The following CABIN1 variants were observed in gnomAD, a reference collection of about 807,000 sequenced individuals.
The protein encoded by CABIN1 is calcineurin binding protein 1, also known as calcineurin-binding protein cabin-1.
In CABIN1, 133 loss-of-function variants were observed where a neutral mutation model predicts 227.7. The ratio of observed to expected loss-of-function variants is 0.58; its 90% CI spans 0.51 to 0.67. The LOEUF (loss-of-function observed/expected upper bound fraction) is 0.67. Among genes scored for constraint, CABIN1 ranks in the 30% least tolerant of loss-of-function variants. CABIN1 has a pLI of 0.00. For synonymous variants in CABIN1, 1,086 were observed against 1,155.1 expected, an observed-to-expected ratio of 0.94 and a Z score of 1.21; for missense variants, 2,408 against 2,852.5, an observed-to-expected ratio of 0.84 and a Z score of 3.55.
chr22:24,125,859 G>T (rs1051453061), intron 28 of CABIN1, among the ~76,000 whole-genome samples: 1 of 152,208 alleles, frequency 6.6e-6, no homozygotes, highest in Non-Finnish European at 1.5e-5. Context: ...TTGTATTTCA[G>T]TCTGTCTGCC....
intron 19 of CABIN1, among the ~76,000 whole-genome samples, chr22:24,078,700 A>G (rs997869080): frequency 6.6e-6 from 1 of 152,190 alleles, no homozygotes; most frequent in Admixed American, 6.5e-5. Flanking sequence ...TCCCTCTTAC[A>G]TTGTGTGCCC....
chr22:24,065,131 T>TG (rs2039533330), intron 15 of CABIN1, among the ~76,000 whole-genome samples: 1 of 140,450 alleles, frequency 7.1e-6, no homozygotes, highest in Admixed American at 7.1e-5. Flanking sequence ...ACGGGGCGGC[T>TG]GGCCGGGCGG....
intron 26 of CABIN1, chr22:24,101,745 G>A (rs2042213037): frequency 6.6e-6 from 1 of 152,260 alleles, no homozygotes; most frequent in Non-Finnish European, 1.5e-5. Context: ...GAGGTGACCC[G>A]AGGAGCACAT....
intron 10 of CABIN1, among the ~76,000 whole-genome samples, chr22:24,058,242 T>C (rs918924471): frequency 6.6e-6 from 1 of 152,212 alleles, no homozygotes; most frequent in African/African-American, 2.4e-5. Flanking sequence ...AGGCTGATCT[T>C]GAACTCCTGG....
At position 24,113,576 on chromosome 22, in the gene CABIN1, G is replaced by A; in HGVS notation, c.4128G>A (p.Gln1376=). Residue 1376 remains glutamine, a synonymous_variant, in exon 27 of 37, where the codon CAG becomes CAA. Coordinates refer to ENST00000263119, the MANE Select transcript of CABIN1 (RefSeq NM_012295.4). ...TCCTTCTCCCCTCAGACCGAAGCCA[G>A]GACAGCACAGCCGTAGCACTCTCAG... ...HQQATPDDRS[Q]DSTAVALSDS... The A allele has an allele frequency of 6.2e-7, 1 of 1,614,136 alleles. No homozygotes were observed. The highest frequency in any genetic ancestry group is 8.5e-7 in the Non-Finnish European group (1 of 1,180,026).
chr22:24,171,115 C>T (rs1245235954), intron 33 of CABIN1, among the ~76,000 whole-genome samples: 4 of 152,194 alleles, frequency 2.6e-5, no homozygotes, highest in Admixed American at 2.0e-4. Context: ...GGGCCCGGCT[C>T]ACCTGGAAAT....
At position 24,032,437 on chromosome 22, in the gene CABIN1, C is replaced by T. The variant is rs149779038; in HGVS notation, c.-74-3007C>T. ...CCTTTTGGCTATTGTGATAATGCTG[C>T]TATGAACATGAGTGTACAAGTGTCT... On this transcript the variant is annotated intron_variant, in intron 1 of 36. Coordinates refer to ENST00000263119, the MANE Select transcript of CABIN1 (RefSeq NM_012295.4). Among the ~76,000 whole-genome samples, 43 of 152,316 alleles carry T rather than the reference C, an allele frequency of 2.8e-4. 1 individual carries two copies. In the East Asian group the frequency reaches 7.7e-3, roughly 27 times the overall value.
At chr22:24,175,614 C>A (rs1175785423) in intron 34 of CABIN1, among the ~76,000 whole-genome samples, 41 of 152,264 alleles carry the variant, frequency 2.7e-4, no homozygotes, top group Admixed American at 2.6e-3. Context: ...CCCAACTGAG[C>A]CCAATTCCTG....
chr22:24,107,585 C>G (rs571487829), intron 26 of CABIN1, among the ~76,000 whole-genome samples: 1 of 152,362 alleles, frequency 6.6e-6, no homozygotes, highest in South Asian at 2.1e-4. Context: ...GCCGTCCTTT[C>G]TTGCCCACAC....
chr22:24,036,230 G>C (rs2146963622), intron 3 of CABIN1, 49 bp downstream of exon 3: 1 of 1,302,400 alleles, frequency 7.7e-7, no homozygotes, highest in South Asian at 1.2e-5. Flanking sequence ...CATTTCTATA[G>C]AGGGAACCTC....
Position 24,040,488 on chromosome 22 carries a change from T to C in CABIN1, c.211-651T>C, listed in dbSNP as rs372305512. On this transcript the variant is annotated intron_variant, in intron 4 of 36. Coordinates refer to ENST00000263119, the MANE Select transcript of CABIN1 (RefSeq NM_012295.4). ...TTGTCCTGTGGTTGGAGCAATAGTT[T>C]TCTAATCAGCAGTTTCTTAGAATAT... Among the ~76,000 whole-genome samples, 10 of 152,228 alleles carry C rather than the reference T, an allele frequency of 6.6e-5. No homozygotes were observed. The East Asian group carries it at 1.3e-3, about 20-fold the overall frequency.
intron 26 of CABIN1, among the ~76,000 whole-genome samples, chr22:24,110,055 C>T: frequency 6.6e-6 from 1 of 152,094 alleles, no homozygotes; most frequent in Non-Finnish European, 1.5e-5. Flanking sequence ...CCTGTAGTCC[C>T]AGCTACTCAG....
At chr22:24,059,403 T>G (rs916360859) in intron 11 of CABIN1, 40 bp downstream of exon 11, 39 of 1,609,924 alleles carry the variant, frequency 2.4e-5, no homozygotes, top group Non-Finnish European at 3.2e-5. Flanking sequence ...TTGGGAATTC[T>G]TCTTCCCACT....
intron 14 of CABIN1, 90 bp downstream of exon 14, chr22:24,063,236 A>G (rs556175698): frequency 1.6e-4 from 174 of 1,109,812 alleles, no homozygotes; most frequent in Admixed American, 2.2e-4. Flanking sequence ...GTGTGTGTGT[A>G]TGTGTGTGTG....
intron 29 of CABIN1, chr22:24,156,048 C>G (rs2045773504): frequency 2.1e-6 from 1 of 481,114 alleles, no homozygotes; most frequent in Non-Finnish European, 3.7e-6. Flanking sequence ...CCTAGCTCCA[C>G]TGCACAGATG....
At chr22:24,060,757 G>A (rs558820010) in intron 12 of CABIN1, among the ~76,000 whole-genome samples, 53 of 151,990 alleles carry the variant, frequency 3.5e-4, no homozygotes, top group African/African-American at 1.2e-3. Context: ...AACCACAGCC[G>A]TACACCACCA....
intron 1 of CABIN1, among the ~76,000 whole-genome samples, chr22:24,034,359 C>G (rs1444016428): frequency 6.6e-6 from 1 of 152,222 alleles, no homozygotes; most frequent in East Asian, 1.9e-4. Context: ...AAGATACATG[C>G]TATTTTGTAT....
Position 24,171,958 on chromosome 22 carries a change from G to T in CABIN1, c.6003G>T (p.Arg2001Ser). Residue 2001 changes from arginine to serine, a missense_variant, in exon 34 of 37, where the codon AGG becomes AGT. Arg to Ser is a moderately radical substitution (Grantham distance 110). This residue lies in a region of CABIN1 where 714 missense variants were observed against 773.8 expected (regional missense o/e 0.92). Transcript: ENST00000263119. ...ACCCTGGGCCTCCCCGGCCACACAGGCCTGAAGCTACCCCCAGCATGGCCT... is the reference window on the plus strand; with the variant it reads ...ACCCTGGGCCTCCCCGGCCACACAGTCCTGAAGCTACCCCCAGCATGGCCT... ...SKDPGPPRPH[R>S]PEATPSMASL... 6.2e-7 allele frequency: 1 copy of T among 1,613,366 alleles called. No homozygotes were observed. The highest frequency in any genetic ancestry group is 8.5e-7 in the Non-Finnish European group (1 of 1,180,026).
chr22:24,082,621 T>C (rs1440956870), intron 19 of CABIN1, among the ~76,000 whole-genome samples: 1 of 152,240 alleles, frequency 6.6e-6, no homozygotes, highest in African/African-American at 2.4e-5. Context: ...TTGAAAATAA[T>C]GTGTATTTGC....
Sources: gnomAD v4.1 joint callset for allele counts (sites outside exome capture counted in the v4.1 genomes callset) on GRCh38, gnomAD v4.1.1 for gene constraint, gnomAD v4.1.1 regional missense constraint, MANE v1.5 for transcripts, NCBI Gene and HGNC (gene_info 2026-07-23, HGNC 2026-07-21) for gene names.